The following PRRX2 variants were observed in gnomAD, a reference collection of about 807,000 sequenced individuals.
PRRX2 encodes paired related homeobox 2, also known as paired mesoderm homeobox protein 2.
A neutral mutation model predicts 18.0 loss-of-function variants in PRRX2; 11 were observed. The observed-to-expected ratio is 0.61, with a 90% CI of 0.39 to 1.01. PRRX2 has a LOEUF of 1.01. Ranked by LOEUF, PRRX2 falls within the 50% of genes least tolerant of loss-of-function variation. The pLI is 0.01. For missense variants in PRRX2, 387 were observed against 351.0 expected, an observed-to-expected ratio of 1.10 and a Z score of -0.82; for synonymous variants, 177 against 154.8, an observed-to-expected ratio of 1.14 and a Z score of -1.06.
At position 129,722,280 on chromosome 9, in the gene PRRX2, C is replaced by T. The variant is rs756852568; in HGVS notation, c.690C>T (p.Asn230=). 6.8e-6 allele frequency: 11 copies of T among 1,613,948 alleles called. No homozygotes were observed. In the East Asian group the frequency reaches 1.1e-4, roughly 16 times the overall value. Residue 230 remains asparagine (N), a synonymous_variant, in exon 4 of 4, where the codon AAC becomes AAT. Transcript: ENST00000372469. ...CAACCCCAGGGGTCAACATGGCCAACAGCATCGCCAGCCTCCGTCTCAAGG... is the reference window on the plus strand; with the variant it reads ...CAACCCCAGGGGTCAACATGGCCAATAGCATCGCCAGCCTCCGTCTCAAGG... ...GPATPGVNMA[N]SIASLRLKAK...
intron 2 of PRRX2, among the ~76,000 whole-genome samples, chr9:129,719,943 C>T (rs1588178000): frequency 6.6e-6 from 1 of 152,140 alleles, no homozygotes; most frequent in East Asian, 1.9e-4. Context: ...GCTGAGATTG[C>T]GCCACTGCAC....
intron 1 of PRRX2, among the ~76,000 whole-genome samples, chr9:129,691,025 A>G (rs1242552769): frequency 1.3e-5 from 2 of 152,030 alleles, no homozygotes; most frequent in Non-Finnish European, 2.9e-5. Context: ...TCAAACACAG[A>G]TATTATTAAA....
rs923146781 is a variant in PRRX2 at position 129,709,247 on chromosome 9, T to C, written c.260-9984T>C. On this transcript the variant is annotated intron_variant, in intron 1 of 3. Coordinates refer to ENST00000372469, the MANE Select transcript of PRRX2 (RefSeq NM_016307.4). The surrounding 1 kb of genome is among the most constrained non-coding windows in gnomAD (Gnocchi z 4.2). ...CTGGGTCACTGGCCCCTCCGCTTTCTTGTGGGTCTGGTGGCCCCATGGAAA... is the reference window on the plus strand; with the variant it reads ...CTGGGTCACTGGCCCCTCCGCTTTCCTGTGGGTCTGGTGGCCCCATGGAAA... Among the ~76,000 whole-genome samples the C allele has an allele frequency of 1.3e-5, 2 of 152,216 alleles. No individual in the cohort carries two copies. Among genetic ancestry groups the C allele is most frequent in the Non-Finnish European group, 2.9e-5 (2 of 68,022 alleles).
chr9:129,702,235 A>G (rs557291872), intron 1 of PRRX2, among the ~76,000 whole-genome samples: 1 of 151,844 alleles, frequency 6.6e-6, no homozygotes, highest in South Asian at 2.1e-4. Flanking sequence ...GTCTCTACTA[A>G]AAATACAAAA....
At chr9:129,697,084 G>C (rs1310062240) in intron 1 of PRRX2, among the ~76,000 whole-genome samples, 1 of 152,242 alleles carries the variant, frequency 6.6e-6, no homozygotes. Flanking sequence ...GCCCATAGGC[G>C]CCCGGCCCGG....
At chr9:129,669,669 C>T (rs12343841) in intron 1 of PRRX2, among the ~76,000 whole-genome samples, 20,813 of 151,936 alleles carry the variant, frequency 0.14, 1,716 homozygotes, top group South Asian at 0.19. Context: ...ATCTAAGGCA[C>T]GGGGCAAGGC....
chr9:129,677,555 A>G (rs1464080934), intron 1 of PRRX2, among the ~76,000 whole-genome samples: 1 of 152,164 alleles, frequency 6.6e-6, no homozygotes, highest in South Asian at 2.1e-4. Context: ...GCCCCCCTCC[A>G]AACCCCCCAT....
At chr9:129,683,104 TA>T (rs529294010) in intron 1 of PRRX2, among the ~76,000 whole-genome samples, 166 of 143,824 alleles carry the variant, frequency 1.2e-3, no homozygotes, top group Middle Eastern at 3.7e-3. Flanking sequence ...AGACTCTGTC[TA>T]AAAAAAAAAA....
intron 1 of PRRX2, among the ~76,000 whole-genome samples, chr9:129,676,343 C>T (rs1382663977): frequency 3.3e-5 from 5 of 152,204 alleles, no homozygotes; most frequent in African/African-American, 1.2e-4. Flanking sequence ...CCTTATTTGT[C>T]ATCTGGGGAG....
At chr9:129,694,939 C>T (rs1832402610) in intron 1 of PRRX2, among the ~76,000 whole-genome samples, 1 of 152,238 alleles carries the variant, frequency 6.6e-6, no homozygotes, top group Non-Finnish European at 1.5e-5. Context: ...CATCCCCTCT[C>T]ATCAGCCCCC....
chr9:129,703,287 T>C (rs1206686962), intron 1 of PRRX2, among the ~76,000 whole-genome samples: 2 of 152,224 alleles, frequency 1.3e-5, no homozygotes, highest in African/African-American at 4.8e-5. Context: ...CGCAGGAGTC[T>C]GAACGGTCTC....
At chr9:129,708,190 C>T (rs1185846333) in intron 1 of PRRX2, among the ~76,000 whole-genome samples, 2 of 152,218 alleles carry the variant, frequency 1.3e-5, no homozygotes, top group Admixed American at 6.5e-5. Context: ...TACCTGCCAC[C>T]ACGCCTGGCT....
chr9:129,717,719 AAG>A (rs1313595237), intron 1 of PRRX2, among the ~76,000 whole-genome samples: 2 of 151,088 alleles, frequency 1.3e-5, no homozygotes, highest in South Asian at 2.1e-4. Flanking sequence ...AAAAAAGAAA[AAG>A]AAAAAAGAAA....
intron 1 of PRRX2, among the ~76,000 whole-genome samples, chr9:129,680,400 CAAAAA>C (rs1207606607): frequency 1.5e-4 from 13 of 85,848 alleles, no homozygotes; most frequent in Admixed American, 4.4e-4. Flanking sequence ...GACTCCGTCT[CAAAAA>C]AAAAAAAAAA....
Position 129,671,967 on chromosome 9 carries a change from G to C in PRRX2, c.259+5841G>C, listed in dbSNP as rs190489440. Among the ~76,000 whole-genome samples, 1 of 152,166 alleles carries C rather than the reference G, an allele frequency of 6.6e-6. No individual in the cohort carries two copies. On this transcript the variant is annotated intron_variant, in intron 1 of 3. Transcript: ENST00000372469. This position sits in a 1 kb window ranked among gnomAD's most constrained non-coding sequence, Gnocchi z 4.0. ...TGGGAGGGGAGGGGCAGCACGGAAC[G>C]GGCTCTGTGCCTATGTTAGGCGTTT...
At chr9:129,690,378 A>G (rs552919215) in intron 1 of PRRX2, among the ~76,000 whole-genome samples, 2 of 152,246 alleles carry the variant, frequency 1.3e-5, no homozygotes, top group Admixed American at 6.5e-5. Flanking sequence ...GCCAATGGGT[A>G]GGATCTGAAC....
At chr9:129,673,227 T>C (rs1312501389) in intron 1 of PRRX2, among the ~76,000 whole-genome samples, 1 of 152,184 alleles carries the variant, frequency 6.6e-6, no homozygotes, top group African/African-American at 2.4e-5. Context: ...GGCTGGAGGA[T>C]TGCTTAAGAC....
chr9:129,669,703 G>T (rs748608248), intron 1 of PRRX2, among the ~76,000 whole-genome samples: 17 of 152,166 alleles, frequency 1.1e-4, no homozygotes, highest in Non-Finnish European at 2.2e-4. Context: ...AGCCCTCGAG[G>T]GGCTGTCGGT....
chr9:129,693,239 G>A (rs1025862428), intron 1 of PRRX2, among the ~76,000 whole-genome samples: 1 of 152,138 alleles, frequency 6.6e-6, no homozygotes, highest in African/African-American at 2.4e-5. Flanking sequence ...TTAAAATCAG[G>A]TTGTTTATAA....
Sources: gnomAD v4.1 joint callset for allele counts (sites outside exome capture counted in the v4.1 genomes callset) on GRCh38, gnomAD v4.1.1 for gene constraint, Gnocchi (gnomAD v3.1) non-coding constraint, MANE v1.5 for transcripts, NCBI Gene and HGNC (gene_info 2026-07-23, HGNC 2026-07-21) for gene names.